The following ENTREP2 variants were observed in gnomAD, a reference collection of about 807,000 sequenced individuals.
ENTREP2 encodes the protein protein ENTREP2.
chr15:29,283,498 G>A, the ENTREP2 span, among the ~76,000 whole-genome samples: 56 of 152,244 alleles, frequency 3.7e-4, no homozygotes, highest in African/African-American at 1.3e-3. Flanking sequence ...ACAGGCATAA[G>A]CCATCATGCC....
chr15:29,311,760 AC>A, the ENTREP2 span, among the ~76,000 whole-genome samples: 1 of 152,194 alleles, frequency 6.6e-6, no homozygotes. Context: ...AGTAGATATT[AC>A]ACACTATATT....
chr15:29,656,457 G>C, the ENTREP2 span, among the ~76,000 whole-genome samples: 4 of 152,116 alleles, frequency 2.6e-5, no homozygotes, highest in Non-Finnish European at 5.9e-5. Context: ...GAACTCCTGA[G>C]TGCAGGCAAT....
At chr15:29,631,389 T>A in the ENTREP2 span, among the ~76,000 whole-genome samples, 1 of 152,154 alleles carries the variant, frequency 6.6e-6, no homozygotes, top group African/African-American at 2.4e-5. Flanking sequence ...TTCTTTAAAG[T>A]TTCCATTTTA....
chr15:29,404,574 A>T, the ENTREP2 span, among the ~76,000 whole-genome samples: 25 of 150,544 alleles, frequency 1.7e-4, no homozygotes, highest in South Asian at 4.9e-3. Context: ...CCCCACTCAC[A>T]CTCCCCAGCT....
the ENTREP2 span, among the ~76,000 whole-genome samples, chr15:29,151,534 C>T: frequency 1.3e-5 from 2 of 152,200 alleles, no homozygotes; most frequent in Admixed American, 1.3e-4. Flanking sequence ...CAATATGGAG[C>T]TCCAACAACA....
the ENTREP2 span, among the ~76,000 whole-genome samples, chr15:29,655,742 C>G: frequency 6.6e-6 from 1 of 151,890 alleles, no homozygotes; most frequent in African/African-American, 2.4e-5. Context: ...AAACAAAAAA[C>G]AAACCGGGCA....
the ENTREP2 span, among the ~76,000 whole-genome samples, chr15:29,218,663 A>C: frequency 7.0e-4 from 106 of 152,308 alleles, no homozygotes; most frequent in Non-Finnish European, 1.4e-3. Flanking sequence ...ATAAGCCCAA[A>C]TATTTACAGC....
chr15:29,136,586 C>T, the ENTREP2 span: 125 of 1,425,034 alleles, frequency 8.8e-5, no homozygotes, highest in African/African-American at 1.5e-3. Context: ...AGAGCAGGGG[C>T]GGCCAGGGCT....
chr15:29,148,491 T>C, the ENTREP2 span, among the ~76,000 whole-genome samples: 1 of 152,250 alleles, frequency 6.6e-6, no homozygotes, highest in Non-Finnish European at 1.5e-5. Flanking sequence ...ACACACATCC[T>C]CCTGTATACT....
At chr15:29,292,873 G>A in the ENTREP2 span, among the ~76,000 whole-genome samples, 17 of 152,260 alleles carry the variant, frequency 1.1e-4, no homozygotes, top group African/African-American at 3.4e-4. Flanking sequence ...GTTAACATAC[G>A]TGGTCATAAA....
the ENTREP2 span, among the ~76,000 whole-genome samples, chr15:29,199,220 G>C: frequency 6.6e-6 from 1 of 152,140 alleles, no homozygotes; most frequent in Non-Finnish European, 1.5e-5. Context: ...CACTGTTCGA[G>C]GGTCCCCATT....
the ENTREP2 span, among the ~76,000 whole-genome samples, chr15:29,608,717 C>T: frequency 6.6e-6 from 1 of 151,852 alleles, no homozygotes; most frequent in African/African-American, 2.4e-5. Flanking sequence ...CAGGCACCTG[C>T]CACCACACCT....
chr15:29,145,459 A>G, the ENTREP2 span, among the ~76,000 whole-genome samples: 1 of 151,850 alleles, frequency 6.6e-6, no homozygotes, highest in Non-Finnish European at 1.5e-5. Flanking sequence ...CGTCTCTACT[A>G]AAAATACAAA....
At chr15:29,274,399 C>T in the ENTREP2 span, among the ~76,000 whole-genome samples, 2 of 152,262 alleles carry the variant, frequency 1.3e-5, no homozygotes, top group East Asian at 3.9e-4. Context: ...AGAGAGTGGG[C>T]TTTTAACTGT....
the ENTREP2 span, among the ~76,000 whole-genome samples, chr15:29,463,915 T>C: frequency 5.3e-5 from 8 of 152,148 alleles, no homozygotes; most frequent in Admixed American, 4.6e-4. Flanking sequence ...CCAACACGGA[T>C]AAACCTTGAG....
At chr15:29,198,297 C>T in the ENTREP2 span, among the ~76,000 whole-genome samples, 1 of 152,336 alleles carries the variant, frequency 6.6e-6, no homozygotes, top group Admixed American at 6.5e-5. Flanking sequence ...CAGGGAGCTG[C>T]CAGCTCTCCA....
chr15:29,143,567 G>T, the ENTREP2 span, among the ~76,000 whole-genome samples: 1 of 152,210 alleles, frequency 6.6e-6, no homozygotes, highest in Non-Finnish European at 1.5e-5. Context: ...GAAGGGCCGT[G>T]GGGGCTGGAG....
the ENTREP2 span, among the ~76,000 whole-genome samples, chr15:29,477,718 C>G: frequency 6.6e-6 from 1 of 152,052 alleles, no homozygotes; most frequent in Admixed American, 6.6e-5. Context: ...AGGGAGATCT[C>G]TATACAGACC....
the ENTREP2 span, among the ~76,000 whole-genome samples, chr15:29,306,664 A>ATTTTT: frequency 5.6e-3 from 432 of 77,302 alleles, 62 homozygotes; most frequent in Non-Finnish European, 9.5e-3. Flanking sequence ...ATAATTGGTA[A>ATTTTT]TTTTTTTTTT....
Sources: gnomAD v4.1 joint callset for allele counts (sites outside exome capture counted in the v4.1 genomes callset) on GRCh38, gnomAD v4.1.1 for gene constraint, MANE v1.5 for transcripts, NCBI Gene and HGNC (gene_info 2026-07-23, HGNC 2026-07-21) for gene names.